The following CAPN2 variants were observed in gnomAD, a reference collection of about 807,000 sequenced individuals.
CAPN2 encodes the protein calpain-2 catalytic subunit.
Under a neutral mutation model 102.3 loss-of-function variants are expected in CAPN2, and 92 were observed. The ratio of observed to expected loss-of-function variants is 0.90; its 90% CI spans 0.76 to 1.07. CAPN2 has a LOEUF of 1.07. Ranked by LOEUF, CAPN2 falls within the 50% of genes least tolerant of loss-of-function variation. The probability of loss-of-function intolerance (pLI) is 0.00; values close to 1 mark genes in which losing one functional copy is unlikely to be tolerated. For synonymous variants in CAPN2, 340 were observed against 355.4 expected (o/e 0.96, Z 0.49); for missense variants, 800 against 909.4 (o/e 0.88, Z 1.55).
At chr1:223,707,698 G>A (rs1232189867), upstream of CAPN2, among the ~76,000 whole-genome samples, 4 of 152,226 alleles carry the variant, frequency 2.6e-5, no homozygotes, top group Admixed American at 2.6e-4. Flanking sequence ...AAGGGGAGTG[G>A]CCAGGGCTGC....
At chr1:223,739,182 A>ATT (rs5781334) in intron 2 of CAPN2, among the ~76,000 whole-genome samples, 8,754 of 132,420 alleles carry the variant, frequency 0.066, 369 homozygotes, top group African/African-American at 0.079. Flanking sequence ...GCATAAACAG[A>ATT]TTTTTTTTTT....
intron 2 of CAPN2, among the ~76,000 whole-genome samples, chr1:223,718,811 A>G (rs1372022510): frequency 6.6e-6 from 1 of 152,188 alleles, no homozygotes; most frequent in African/African-American, 2.4e-5. Flanking sequence ...GCTAATATGT[A>G]TCTCTAAGGC....
chr1:223,766,924 C>A (rs1178876700), intron 16 of CAPN2, among the ~76,000 whole-genome samples: 1 of 151,554 alleles, frequency 6.6e-6, no homozygotes, highest in Non-Finnish European at 1.5e-5. Flanking sequence ...CGCGCCACTG[C>A]ACTCCAGCCT....
intron 2 of CAPN2, among the ~76,000 whole-genome samples, chr1:223,723,983 T>A (rs562388274): frequency 6.6e-6 from 1 of 151,858 alleles, no homozygotes; most frequent in Non-Finnish European, 1.5e-5. Context: ...TTTGGGTGCC[T>A]CTTTAGATTT....
chr1:223,749,683 G>A (rs952660894), intron 6 of CAPN2, among the ~76,000 whole-genome samples: 1 of 152,190 alleles, frequency 6.6e-6, no homozygotes, highest in Non-Finnish European at 1.5e-5. Context: ...CATATATAAG[G>A]AGGTAGCTGT....
At chr1:223,707,445 G>A (rs1034368531) in intron 1 of CAPN2, among the ~76,000 whole-genome samples, 1 of 152,172 alleles carries the variant, frequency 6.6e-6, no homozygotes, top group Non-Finnish European at 1.5e-5. Context: ...TTGTGTTCCC[G>A]TGAAAAGGAT....
At chr1:223,722,397 C>T (rs1198630140) in intron 2 of CAPN2, among the ~76,000 whole-genome samples, 1 of 149,188 alleles carries the variant, frequency 6.7e-6, no homozygotes, top group Non-Finnish European at 1.5e-5. Context: ...AAGCAATCCT[C>T]CCACCTCAGC....
intron 20 of CAPN2, among the ~76,000 whole-genome samples, chr1:223,773,420 G>A (rs1462356283): frequency 6.6e-6 from 1 of 152,158 alleles, no homozygotes; most frequent in Non-Finnish European, 1.5e-5. Flanking sequence ...AGGGCTGGGC[G>A]CGGTGGCTCA....
chr1:223,750,665 C>A (rs1373485093), intron 6 of CAPN2, among the ~76,000 whole-genome samples: 2 of 152,230 alleles, frequency 1.3e-5, no homozygotes, highest in Admixed American at 6.5e-5. Flanking sequence ...ATCCTGGGAG[C>A]TTTAAATCTC....
At position 223,766,273 on chromosome 1, in the gene CAPN2, G is replaced by A. The variant is rs189667169; in HGVS notation, c.1691-94G>A. 1.3e-5 allele frequency: 12 copies of A among 916,090 alleles called. No homozygotes were observed. In the Admixed American group the frequency reaches 2.1e-4, roughly 16 times the overall value. 56.7% of individuals were successfully genotyped at this position (916,090 alleles called of 1,614,324 possible). On this transcript the variant is annotated intron_variant, in intron 15 of 20. Coordinates refer to ENST00000295006, the MANE Select transcript of CAPN2 (RefSeq NM_001748.5). ...AATGGAAGTGGCTTCTGTATGTGAAGGGCACAGATAAAGAATATCTCCATG... is the reference window on the plus strand; with the variant it reads ...AATGGAAGTGGCTTCTGTATGTGAAAGGCACAGATAAAGAATATCTCCATG...
intron 1 of CAPN2, 22 bp downstream of exon 1, chr1:223,712,899 G>GCGGGCAGGGCAGGGTGC (rs1659776305): frequency 6.7e-7 from 1 of 1,483,576 alleles, no homozygotes; most frequent in South Asian, 1.3e-5. Context: ...GCGGCAGGAC[G>GCGGGCAGGGCAGGGTGC]CGGGCAGGGC....
intron 15 of CAPN2, among the ~76,000 whole-genome samples, chr1:223,764,552 C>G (rs1661266667): frequency 1.3e-5 from 2 of 152,212 alleles, no homozygotes; most frequent in Admixed American, 6.5e-5. Flanking sequence ...CTCCCAAATT[C>G]AAGCGATTCT....
At chr1:223,728,217 C>G (rs1388359727) in intron 2 of CAPN2, among the ~76,000 whole-genome samples, 1 of 152,110 alleles carries the variant, frequency 6.6e-6, no homozygotes, top group Non-Finnish European at 1.5e-5. Context: ...CGGGGCTGAG[C>G]TGGGCAACTC....
chr1:223,771,362 T>C (rs1661465295), intron 18 of CAPN2: 1 of 157,192 alleles, frequency 6.4e-6, no homozygotes, highest in African/African-American at 2.4e-5. Flanking sequence ...ACATGCAGTC[T>C]TGATGCTAGG....
chr1:223,717,480 C>A (rs969943062), intron 1 of CAPN2, among the ~76,000 whole-genome samples: 2 of 152,114 alleles, frequency 1.3e-5, no homozygotes, highest in Admixed American at 6.5e-5. Flanking sequence ...GCTGCTGTGG[C>A]CCCCGGGACA....
At chr1:223,713,915 A>G (rs1185812122) in intron 1 of CAPN2, among the ~76,000 whole-genome samples, 1 of 152,232 alleles carries the variant, frequency 6.6e-6, no homozygotes, top group African/African-American at 2.4e-5. Context: ...TTCATCTAAA[A>G]GAAAACATGC....
At chr1:223,764,049 T>A in intron 14 of CAPN2, 101 bp from the exon 15 acceptor site, 3 of 883,966 alleles carry the variant, frequency 3.4e-6, no homozygotes, top group Non-Finnish European at 5.7e-6. Context: ...TGCACATTCA[T>A]AGGCCCCACC....
At chr1:223,746,255 C>G (rs1222678752) in intron 4 of CAPN2, among the ~76,000 whole-genome samples, 1 of 152,190 alleles carries the variant, frequency 6.6e-6, no homozygotes, top group Non-Finnish European at 1.5e-5. Flanking sequence ...CCACCGGACT[C>G]CAGCATCAGC....
chr1:223,755,749 A>ATCCCCAGTTCT lies in CAPN2; in HGVS notation c.1305+100_1305+101insTCCCCAGTTCT. ...GAGGCAGAACTGGGGATGGGATCCC[A>ATCCCCAGTTCT]GACCGGGAGCTTGGCCAAGGAAAAA... On this transcript the variant is annotated intron_variant, in intron 10 of 20. Coordinates refer to ENST00000295006, the MANE Select transcript of CAPN2 (RefSeq NM_001748.5). This position sits in a 1 kb window ranked among gnomAD's most constrained non-coding sequence, Gnocchi z 4.1. 1 of 1,229,526 alleles carries ATCCCCAGTTCT rather than the reference A, an allele frequency of 8.1e-7. No homozygotes were observed. The highest frequency in any genetic ancestry group is 1.1e-6 in the Non-Finnish European group (1 of 905,522). The allele number at this position is 1,229,526 out of a possible 1,614,324, so 76.2% of individuals were successfully genotyped here. A position where few individuals can be genotyped will look rare whatever the true frequency, so the allele number is the denominator to read the frequency against.
Sources: allele counts gnomAD v4.1 joint callset (sites outside exome capture counted in the v4.1 genomes callset), GRCh38; gene constraint gnomAD v4.1.1; non-coding constraint Gnocchi (gnomAD v3.1); transcripts MANE v1.5; gene names NCBI Gene and HGNC (gene_info 2026-07-23, HGNC 2026-07-21).